Variants in TENM3 observed in about 807,000 individuals in gnomAD.
TENM3 encodes the protein teneurin-3.
TENM3 carries 63 observed loss-of-function variants against 255.1 expected under a neutral mutation model. The observed-to-expected ratio is 0.25, with a 90% CI of 0.20 to 0.30. The LOEUF (loss-of-function observed/expected upper bound fraction) is 0.30. TENM3 is among the 10% of genes least tolerant of loss of function. The probability of loss-of-function intolerance (pLI) is 1.00; values close to 1 mark genes in which losing one functional copy is unlikely to be tolerated. For missense variants in TENM3, 2,929 were observed against 3,461.1 expected (o/e 0.85, Z 3.86); for synonymous variants, 1,306 against 1,322.3 (o/e 0.99, Z 0.27).
At chr4:181,455,157 G>A in the TENM3 span, among the ~76,000 whole-genome samples, 29,399 of 152,028 alleles carry the variant, frequency 0.19, 3,510 homozygotes, top group South Asian at 0.26. Flanking sequence ...GTTACTAAAA[G>A]ACATGTGGCT....
chr4:182,726,689 G>C (rs1351507074), intron 13 of TENM3, among the ~76,000 whole-genome samples: 1 of 152,180 alleles, frequency 6.6e-6, no homozygotes, highest in East Asian at 1.9e-4. Flanking sequence ...CAAAGAAAGG[G>C]AAAGGGTCTG....
chr4:182,727,321 T>A (rs1021411023), intron 13 of TENM3, among the ~76,000 whole-genome samples: 1 of 152,030 alleles, frequency 6.6e-6, no homozygotes, highest in East Asian at 1.9e-4. Flanking sequence ...CCAGGCATGG[T>A]GGCAGGTGCC....
chr4:182,054,984 T>C, the TENM3 span, among the ~76,000 whole-genome samples: 2 of 152,124 alleles, frequency 1.3e-5, no homozygotes, highest in Non-Finnish European at 2.9e-5. Flanking sequence ...TATTCCTTGA[T>C]GTTTCTTCTC....
At chr4:182,043,267 G>C in the TENM3 span, among the ~76,000 whole-genome samples, 3,820 of 152,220 alleles carry the variant, frequency 0.025, 164 homozygotes, top group African/African-American at 0.085. Flanking sequence ...CAGGGTATCT[G>C]TCTTCCGTTG....
chr4:182,210,738 C>A (rs963825540), intron 1 of TENM3, among the ~76,000 whole-genome samples: 1 of 151,692 alleles, frequency 6.6e-6, no homozygotes, highest in African/African-American at 2.4e-5. Context: ...TAAATCACTT[C>A]TTTTCTGCTG....
the TENM3 span, among the ~76,000 whole-genome samples, chr4:181,868,262 A>C: frequency 6.8e-6 from 1 of 147,790 alleles, no homozygotes; most frequent in African/African-American, 2.5e-5. Context: ...CACCCCTCCC[A>C]CCTCCCTTCC....
At chr4:182,584,145 T>G (rs1012930132) in intron 3 of TENM3, among the ~76,000 whole-genome samples, 3 of 152,202 alleles carry the variant, frequency 2.0e-5, no homozygotes, top group Non-Finnish European at 2.9e-5. Flanking sequence ...GCAATAAAAA[T>G]CACACACACT....
chr4:182,795,578 G>T (rs1766442139), intron 26 of TENM3, among the ~76,000 whole-genome samples: 1 of 152,224 alleles, frequency 6.6e-6, no homozygotes, highest in African/African-American at 2.4e-5. Context: ...CTGGCAATGA[G>T]GTGAGAGTCT....
At chr4:181,949,400 C>T in the TENM3 span, among the ~76,000 whole-genome samples, 1 of 152,268 alleles carries the variant, frequency 6.6e-6, no homozygotes, top group East Asian at 1.9e-4. Context: ...GAAGATTTGG[C>T]TTATGAATGA....
chr4:181,882,304 T>C, the TENM3 span, among the ~76,000 whole-genome samples: 1 of 152,230 alleles, frequency 6.6e-6, no homozygotes, highest in Non-Finnish European at 1.5e-5. Flanking sequence ...AATTCATTCA[T>C]GACGTTTGTT....
chr4:182,242,975 A>G (rs1227894383), upstream of TENM3, among the ~76,000 whole-genome samples: 1 of 152,226 alleles, frequency 6.6e-6, no homozygotes, highest in Non-Finnish European at 1.5e-5. Flanking sequence ...TCTGACTTGC[A>G]TAATTGGGCG....
At chr4:181,513,839 C>A in the TENM3 span, among the ~76,000 whole-genome samples, 1 of 152,276 alleles carries the variant, frequency 6.6e-6, no homozygotes, top group Non-Finnish European at 1.5e-5. Flanking sequence ...TGAGTACAAC[C>A]ACCTAAAACC....
chr4:182,763,002 C>A (rs927709697), intron 22 of TENM3, among the ~76,000 whole-genome samples: 6 of 150,808 alleles, frequency 4.0e-5, no homozygotes, highest in Non-Finnish European at 7.4e-5. Context: ...AGAGACCCCC[C>A]ACAACTTCTA....
intron 1 of TENM3, among the ~76,000 whole-genome samples, chr4:182,216,081 G>A (rs565899623): frequency 8.5e-5 from 13 of 152,294 alleles, no homozygotes; most frequent in Admixed American, 3.3e-4. Context: ...TTTCTCCAAA[G>A]GCCAGTGAAT....
rs1561141758 is a variant in TENM3, at chr4:182,151,756, G to GAAATAATAAGA, written c.-76+7004_-76+7005insATAATAAGAAA. On this transcript the variant is annotated intron_variant, in intron 1 of 2. Transcript: ENST00000512480. ...CTCTATTTATAAGCAAAAATGAAAT[G>GAAATAATAAGA]AATATTTAAAACTTTAAAATTTTTT... 6.6e-5 allele frequency among the ~76,000 whole-genome samples: 10 copies of GAAATAATAAGA among 151,652 alleles called. No homozygotes were observed. In the East Asian group the frequency reaches 2.0e-3, roughly 30 times the overall value.
chr4:182,292,712 G>A (rs565037094), intron 1 of TENM3, among the ~76,000 whole-genome samples: 33 of 152,294 alleles, frequency 2.2e-4, no homozygotes, highest in African/African-American at 7.9e-4. Flanking sequence ...GTACCCAGGG[G>A]ATGCGCTCTC....
chr4:181,664,094 C>A, the TENM3 span, among the ~76,000 whole-genome samples: 1 of 152,154 alleles, frequency 6.6e-6, no homozygotes, highest in Admixed American at 6.5e-5. Flanking sequence ...TCTGGCTCTA[C>A]CACATACTAG....
chr4:182,352,969 A>G (rs958695409), intron 3 of TENM3, among the ~76,000 whole-genome samples: 1 of 152,142 alleles, frequency 6.6e-6, no homozygotes, highest in Admixed American at 6.5e-5. Flanking sequence ...GAGGAAATAG[A>G]CGGACTTGTA....
At chr4:181,476,569 C>G in the TENM3 span, among the ~76,000 whole-genome samples, 1 of 152,100 alleles carries the variant, frequency 6.6e-6, no homozygotes, top group Non-Finnish European at 1.5e-5. Flanking sequence ...GGGGTGAAAA[C>G]AGCATTAATT....
Sources: allele counts gnomAD v4.1 joint callset (sites outside exome capture counted in the v4.1 genomes callset), GRCh38; gene constraint gnomAD v4.1.1; transcripts MANE v1.5; gene names NCBI Gene and HGNC (gene_info 2026-07-23, HGNC 2026-07-21).